DSCAML1: variants seen among roughly 807,000 people sequenced by gnomAD.
The protein encoded by DSCAML1 is cell adhesion molecule DSCAML1.
DSCAML1 carries 38 observed loss-of-function variants against 200.5 expected under a neutral mutation model. The observed-to-expected ratio is 0.19, with a 90% CI of 0.15 to 0.25. The LOEUF is 0.25. DSCAML1 is among the 10% of genes least tolerant of loss of function. The pLI is 1.00. For synonymous variants in DSCAML1, 1,215 were observed against 1,165.0 expected, an observed-to-expected ratio of 1.04 and a Z score of -0.87; for missense variants, 2,223 against 2,858.8, an observed-to-expected ratio of 0.78 and a Z score of 5.07.
At chr11:117,569,867 G>A (rs769653591) in intron 3 of DSCAML1, among the ~76,000 whole-genome samples, 1 of 152,200 alleles carries the variant, frequency 6.6e-6, no homozygotes, top group Non-Finnish European at 1.5e-5. Context: ...CAATCCCAGT[G>A]GAGGGCTCTG....
chr11:117,587,873 C>T (rs1010882528), intron 3 of DSCAML1, among the ~76,000 whole-genome samples: 5 of 152,102 alleles, frequency 3.3e-5, no homozygotes, highest in African/African-American at 9.7e-5. Flanking sequence ...TCTGAGCTTT[C>T]CTGTGGTCCT....
intron 14 of DSCAML1, among the ~76,000 whole-genome samples, chr11:117,478,744 A>T (rs2048848277): frequency 6.6e-6 from 1 of 152,068 alleles, no homozygotes; most frequent in South Asian, 2.1e-4. Flanking sequence ...TGTGCATTGC[A>T]CCCTCACTTG....
intron 3 of DSCAML1, among the ~76,000 whole-genome samples, chr11:117,602,864 C>G (rs991721093): frequency 1.3e-5 from 2 of 151,884 alleles, no homozygotes; most frequent in African/African-American, 4.8e-5. Flanking sequence ...TTTGGGAAGC[C>G]GAGACAGGTG....
intron 27 of DSCAML1, among the ~76,000 whole-genome samples, chr11:117,435,349 C>T (rs1028647482): frequency 6.6e-6 from 1 of 152,180 alleles, no homozygotes; most frequent in Non-Finnish European, 1.5e-5. Flanking sequence ...ATCTGTTTAC[C>T]AACCAACATG....
chr11:117,522,034 G>A (rs1376038406), intron 5 of DSCAML1, among the ~76,000 whole-genome samples: 1 of 152,208 alleles, frequency 6.6e-6, no homozygotes, highest in Non-Finnish European at 1.5e-5. Context: ...AGGCCCTAAG[G>A]GCCTGACTGT....
At chr11:117,543,987 C>T (rs991151454) in intron 3 of DSCAML1, among the ~76,000 whole-genome samples, 10 of 152,070 alleles carry the variant, frequency 6.6e-5, no homozygotes, top group African/African-American at 1.9e-4. Context: ...CTTTGCCTCC[C>T]CCATTTCCTC....
intron 3 of DSCAML1, among the ~76,000 whole-genome samples, chr11:117,576,568 T>C (rs1350615201): frequency 6.6e-6 from 1 of 152,224 alleles, no homozygotes; most frequent in Non-Finnish European, 1.5e-5. Flanking sequence ...CTGAGCTTGT[T>C]AAGGGAGCTC....
chr11:117,686,301 A>G (rs1390601783), intron 3 of DSCAML1, among the ~76,000 whole-genome samples: 1 of 152,218 alleles, frequency 6.6e-6, no homozygotes, highest in Non-Finnish European at 1.5e-5. Flanking sequence ...AAGTGCTCAT[A>G]CCGCCCTCTG....
intron 3 of DSCAML1, among the ~76,000 whole-genome samples, chr11:117,567,296 T>C (rs1190575591): frequency 6.6e-6 from 1 of 152,104 alleles, no homozygotes; most frequent in South Asian, 2.1e-4. Flanking sequence ...TGGTATCTCA[T>C]TGTGGTTTTG....
At chr11:117,475,884 C>G (rs2048782659) in intron 14 of DSCAML1, among the ~76,000 whole-genome samples, 3 of 152,172 alleles carry the variant, frequency 2.0e-5, no homozygotes, top group Non-Finnish European at 4.4e-5. Context: ...ATAGCTCCCT[C>G]TCCATAACCT....
chr11:117,599,243 G>A (rs1204496480), intron 3 of DSCAML1, among the ~76,000 whole-genome samples: 4 of 152,144 alleles, frequency 2.6e-5, no homozygotes, highest in South Asian at 4.2e-4. Flanking sequence ...GGGAATGTGC[G>A]GCTGCTTCCT....
At chr11:117,617,048 T>C (rs1288788935) in intron 3 of DSCAML1, among the ~76,000 whole-genome samples, 1 of 152,230 alleles carries the variant, frequency 6.6e-6, no homozygotes, top group Non-Finnish European at 1.5e-5. Flanking sequence ...CATCAGACAC[T>C]GTTCCCAGTG....
chr11:117,626,837 G>A (rs115169435), intron 3 of DSCAML1, among the ~76,000 whole-genome samples: 2,717 of 152,212 alleles, frequency 0.018, 65 homozygotes, highest in African/African-American at 0.051. Flanking sequence ...GGCCATGAGC[G>A]GCAGGTGCAG....
At chr11:117,525,929 C>A (rs2049969868) in intron 4 of DSCAML1, among the ~76,000 whole-genome samples, 1 of 152,240 alleles carries the variant, frequency 6.6e-6, no homozygotes, top group South Asian at 2.1e-4. Context: ...ATGACCAGTG[C>A]ATTTCCATCA....
At chr11:117,441,109 C>G (rs1441281421) in intron 21 of DSCAML1, among the ~76,000 whole-genome samples, 2 of 151,866 alleles carry the variant, frequency 1.3e-5, no homozygotes, top group Admixed American at 6.6e-5. Context: ...AGAGCAAGAG[C>G]TGACAAAACT....
chr11:117,736,219 A>G (rs2054313053), intron 3 of DSCAML1, among the ~76,000 whole-genome samples: 1 of 152,204 alleles, frequency 6.6e-6, no homozygotes, highest in African/African-American at 2.4e-5. Flanking sequence ...TGCAGTCACC[A>G]CGAGGCTTGG....
At chr11:117,689,834 C>CT (rs2053465205) in intron 3 of DSCAML1, among the ~76,000 whole-genome samples, 1 of 152,178 alleles carries the variant, frequency 6.6e-6, no homozygotes, top group Admixed American at 6.5e-5. Context: ...TACCCTGGAA[C>CT]TTAATTCTGC....
chr11:117,605,412 A>G (rs2051545316), intron 3 of DSCAML1, among the ~76,000 whole-genome samples: 1 of 152,174 alleles, frequency 6.6e-6, no homozygotes. Context: ...CCGCAAGCAC[A>G]GAGCCCTCTC....
Position 117,479,807 on chromosome 11 carries a change from C to T in DSCAML1, c.2785+636G>A, listed in dbSNP as rs1237430009. Among the ~76,000 whole-genome samples, 3 of 152,166 alleles carry T rather than the reference C, an allele frequency of 2.0e-5. No individual in the cohort carries two copies. The South Asian group carries it at 6.2e-4, about 32-fold the overall frequency. On this transcript the variant is annotated intron_variant, in intron 14 of 32. Transcript: ENST00000651296. ...GGGATTACTGGGGTGTGCCACCACG[C>T]CTGGCTAATTTTTGTATTTTTAGTA...
Sources: gnomAD v4.1 joint callset for allele counts (sites outside exome capture counted in the v4.1 genomes callset) on GRCh38, gnomAD v4.1.1 for gene constraint, MANE v1.5 for transcripts, NCBI Gene and HGNC (gene_info 2026-07-23, HGNC 2026-07-21) for gene names.